The following GLG1 variants were observed in gnomAD, a reference collection of about 807,000 sequenced individuals.
GLG1 encodes Golgi apparatus protein 1.
A neutral mutation model predicts 160.5 loss-of-function variants in GLG1; 38 were observed. The observed-to-expected ratio is 0.24, with a 90% CI of 0.18 to 0.31. GLG1 has a LOEUF of 0.31. Among genes scored for constraint, GLG1 ranks in the 10% least tolerant of loss-of-function variants. The pLI is 1.00. For missense variants in GLG1, 1,373 were observed against 1,505.2 expected (o/e 0.91, Z 1.45); for synonymous variants, 644 against 543.4 (o/e 1.19, Z -2.57).
chr16:74,583,655 C>T (rs958064803), intron 1 of GLG1, among the ~76,000 whole-genome samples: 1 of 152,192 alleles, frequency 6.6e-6, no homozygotes, highest in Non-Finnish European at 1.5e-5. Flanking sequence ...GCTGGGATTA[C>T]AGGAGTAAGC....
At chr16:74,529,249 G>A (rs2017448726) in intron 2 of GLG1, among the ~76,000 whole-genome samples, 1 of 152,148 alleles carries the variant, frequency 6.6e-6, no homozygotes, top group South Asian at 2.1e-4. Context: ...GATTACAGGC[G>A]TGAACCACCG....
intron 8 of GLG1, among the ~76,000 whole-genome samples, chr16:74,486,594 C>G (rs1395745809): frequency 6.6e-6 from 1 of 152,154 alleles, no homozygotes; most frequent in East Asian, 1.9e-4. Context: ...ACTTTTCCAT[C>G]TTGTCATGGA....
intron 1 of GLG1, among the ~76,000 whole-genome samples, chr16:74,580,641 A>C (rs1957917881): frequency 6.6e-6 from 1 of 152,240 alleles, no homozygotes; most frequent in Non-Finnish European, 1.5e-5. Flanking sequence ...CTATGACACT[A>C]AAAGCACAGA....
chr16:74,575,764 T>C (rs2018984448), intron 1 of GLG1, among the ~76,000 whole-genome samples: 1 of 152,156 alleles, frequency 6.6e-6, no homozygotes, highest in Non-Finnish European at 1.5e-5. Flanking sequence ...AATATAGATA[T>C]CAATGAGAAA....
intron 4 of GLG1, among the ~76,000 whole-genome samples, chr16:74,498,447 A>AAAAAAATATATATATATATATATATATAT (rs1491293119): frequency 1.2e-4 from 1 of 8,208 alleles, no homozygotes; most frequent in Non-Finnish European, 3.9e-4. Flanking sequence ...AAAAAAAAAA[A>AAAAAAATATATATATATATATATATATAT]GTATATATAT....
At position 74,500,188 on chromosome 16, in the gene GLG1, G is replaced by C. The variant is rs975071177; in HGVS notation, c.774+3343C>G. On this transcript the variant is annotated intron_variant, in intron 4 of 25. Transcript: ENST00000422840. ...AATATTTGACAGCGAAGACTGCATG[G>C]TTAGTTACCAAACATTAATTAAAGT... Among the ~76,000 whole-genome samples, 95 of 152,066 alleles carry C rather than the reference G, an allele frequency of 6.2e-4. 3 individuals are homozygous for C. The highest frequency in any genetic ancestry group is 1.3e-4 in the Non-Finnish European group (9 of 68,020).
intron 8 of GLG1, among the ~76,000 whole-genome samples, chr16:74,490,144 G>A (rs948716535): frequency 6.6e-6 from 1 of 152,148 alleles, no homozygotes; most frequent in Non-Finnish European, 1.5e-5. Context: ...CACATGGTAC[G>A]TTAAGTTGCT....
At chr16:74,495,753 T>C (rs1172058823) in intron 5 of GLG1, among the ~76,000 whole-genome samples, 2 of 152,096 alleles carry the variant, frequency 1.3e-5, no homozygotes, top group Non-Finnish European at 2.9e-5. Context: ...TTCCTATAGA[T>C]AAAACAGACT....
At chr16:74,492,879 G>T (rs1037591297) in intron 7 of GLG1, 78 bp downstream of exon 7, 4 of 742,792 alleles carry the variant, frequency 5.4e-6, no homozygotes, top group Non-Finnish European at 7.9e-6. Flanking sequence ...GGAAACTAAC[G>T]TTTATATATA....
In GLG1 at chr16:74,561,032, C is replaced by A. The variant is rs150679286; in HGVS notation, c.439-28879G>T. Among the ~76,000 whole-genome samples the A allele has an allele frequency of 1.2e-3, 188 of 152,360 alleles. 1 individual carries two copies. Among genetic ancestry groups the A allele is most frequent in the African/African-American group, 4.2e-3 (175 of 41,588 alleles). Reference sequence around the variant, plus strand: ...TATAGTCTGGCACCACGCAGTCCTGCGCAGTCCTGCACAGTCCTGCTTGGT... The same window carrying A: ...TATAGTCTGGCACCACGCAGTCCTGAGCAGTCCTGCACAGTCCTGCTTGGT... On this transcript the variant is annotated intron_variant, in intron 1 of 25. Transcript: ENST00000422840.
chr16:74,591,594 C>A lies in GLG1; in HGVS notation c.438+15063G>T, dbSNP rs187822600. On this transcript the variant is annotated intron_variant, in intron 1 of 25. Coordinates refer to ENST00000422840, the MANE Select transcript of GLG1 (RefSeq NM_001145667.2). Reference sequence around the variant, plus strand: ...AGTGAGCCGAAATCGCACCACTGCACTCCAGCCTGGGAGACAGAGCAAGAC... The same window carrying A: ...AGTGAGCCGAAATCGCACCACTGCAATCCAGCCTGGGAGACAGAGCAAGAC... Among the ~76,000 whole-genome samples the A allele has an allele frequency of 5.1e-3, 781 of 152,242 alleles. 2 individuals carry two copies. Among genetic ancestry groups the A allele is most frequent in the Non-Finnish European group, 8.5e-3 (577 of 68,018 alleles).
Position 74,465,782 on chromosome 16 carries a change from T to C in GLG1, c.2561A>G (p.Gln854Arg). The C allele has an allele frequency of 1.2e-6, 2 of 1,613,866 alleles. No homozygotes were observed. Among genetic ancestry groups the C allele is most frequent in the Non-Finnish European group, 1.7e-6 (2 of 1,179,758 alleles). ...IIECLKENKK[Q>R]LSTRCHQKVF... ...TTTTTGGTGGCAGCGGGTGCTTAGC[T>C]GCTTCTTGTTTTCTTTCAGACATTC... The change falls in exon 19 of 26, where the codon CAG (glutamine) becomes CGG (arginine). Residue 854 changes from glutamine (Q) to arginine (R), a missense_variant. Around this residue, in one of 4 missense-constraint regions of GLG1, gnomAD observed 491 missense variants for 632.1 expected, o/e 0.78. Coordinates refer to ENST00000422840, the MANE Select transcript of GLG1 (RefSeq NM_001145667.2).
At chr16:74,511,793 G>A (rs931759375) in intron 2 of GLG1, among the ~76,000 whole-genome samples, 1 of 152,072 alleles carries the variant, frequency 6.6e-6, no homozygotes, top group Non-Finnish European at 1.5e-5. Context: ...TGACCATTTA[G>A]ATTTTTTGAA....
At chr16:74,525,097 G>A (rs1016164613) in intron 2 of GLG1, among the ~76,000 whole-genome samples, 85 of 152,112 alleles carry the variant, frequency 5.6e-4, no homozygotes, top group African/African-American at 1.9e-3. Flanking sequence ...TACTAATAAT[G>A]CTGCTATGAA....
intron 17 of GLG1, chr16:74,468,226 CTTTTT>C (rs201829157): frequency 3.7e-4 from 31 of 83,324 alleles, no homozygotes; most frequent in Non-Finnish European, 6.2e-4. Flanking sequence ...CTTGAAATGT[CTTTTT>C]TTTTTTTTTT....
rs981445801 is a variant in GLG1, at chr16:74,470,066, A to T, written c.2237T>A (p.Met746Lys). The T allele has an allele frequency of 6.3e-7, 1 of 1,596,236 alleles. No individual in the cohort carries two copies. Among genetic ancestry groups the T allele is most frequent in the Non-Finnish European group, 8.6e-7 (1 of 1,164,186 alleles). Reference protein sequence around the residue: ...IGVTHFQLVQMKDFRFSYKFK... With the variant: ...IGVTHFQLVQKKDFRFSYKFK... Reference sequence around the variant, plus strand: ...CTTGTAAGAAAACCGAAAATCCTTCATCTGCACCTGAAAGGTAAAGAGAAA... The same window carrying T: ...CTTGTAAGAAAACCGAAAATCCTTCTTCTGCACCTGAAAGGTAAAGAGAAA... The change falls in exon 16 of 26, where the codon ATG becomes AAG. Residue 746 changes from methionine (M) to lysine (K), a missense_variant. By Grantham distance (95) the Met-to-Lys change is moderately conservative. Transcript: ENST00000422840.
At position 74,472,065 on chromosome 16, in the gene GLG1, C is replaced by A. The variant is rs529023856; in HGVS notation, c.2115+284G>T. 1.2e-4 allele frequency among the ~76,000 whole-genome samples: 18 copies of A among 152,182 alleles called. No individual in the cohort carries two copies. In the East Asian group the frequency reaches 3.5e-3, roughly 29 times the overall value. On this transcript the variant is annotated intron_variant, in intron 14 of 25. Transcript: ENST00000422840. ...AACTACAGGTGTGTACCACCACGCC[C>A]AGCTAATTTTTTCTATTTTTTGTAG...
chr16:74,512,808 G>A (rs2016857032), intron 2 of GLG1, among the ~76,000 whole-genome samples: 1 of 152,180 alleles, frequency 6.6e-6, no homozygotes, highest in Admixed American at 6.5e-5. Context: ...GTGATAACAA[G>A]CATGCAGGAG....
At chr16:74,505,270 T>C (rs1297382757) in intron 3 of GLG1, among the ~76,000 whole-genome samples, 1 of 152,160 alleles carries the variant, frequency 6.6e-6, no homozygotes. Context: ...AATAACTCAG[T>C]TCAGAAAAGA....
Sources: allele counts gnomAD v4.1 joint callset (sites outside exome capture counted in the v4.1 genomes callset), GRCh38; gene constraint gnomAD v4.1.1; regional missense constraint gnomAD v4.1.1; transcripts MANE v1.5; gene names NCBI Gene and HGNC (gene_info 2026-07-23, HGNC 2026-07-21).